ROBO1: variants seen among roughly 807,000 people sequenced by gnomAD.
ROBO1 encodes roundabout guidance receptor 1, also known as roundabout homolog 1.
In ROBO1, 149 loss-of-function variants were observed where a neutral mutation model predicts 195.9. That is an observed-to-expected ratio of 0.76 (90% CI 0.67 to 0.87). ROBO1 has a LOEUF of 0.87. Ranked by LOEUF, ROBO1 falls within the 40% of genes least tolerant of loss-of-function variation. ROBO1 has a pLI of 0.00. For synonymous variants in ROBO1, 816 were observed against 733.2 expected, an observed-to-expected ratio of 1.11 and a Z score of -1.82; for missense variants, 1,933 against 2,068.3, an observed-to-expected ratio of 0.93 and a Z score of 1.27.
intron 1 of ROBO1, among the ~76,000 whole-genome samples, chr3:79,761,690 C>T (rs528978704): frequency 6.6e-6 from 1 of 152,342 alleles, no homozygotes; most frequent in South Asian, 2.1e-4. Flanking sequence ...TCTTGTACTT[C>T]AGTAAGAGTG....
rs1316141525 is a variant in ROBO1, at chr3:78,809,986, G to GT, written c.500-63087dup. ...CATGTATCCCAGAACTTAAAGTATAGTAAAAAAAAAAAAAAAAATCCTGAT... is the reference window on the plus strand; with the variant it reads ...CATGTATCCCAGAACTTAAAGTATAGTTAAAAAAAAAAAAAAAAATCCTGAT... On this transcript the variant is annotated intron_variant, in intron 4 of 30. Transcript: ENST00000464233. Among the ~76,000 whole-genome samples, 6 of 112,972 alleles carry GT rather than the reference G, an allele frequency of 5.3e-5. No homozygotes were observed. The South Asian group carries it at 8.2e-4, about 15-fold the overall frequency. 74.1% of individuals were successfully genotyped at this position (112,972 alleles called of 152,430 possible).
chr3:79,378,875 C>A (rs1207849378), intron 2 of ROBO1, among the ~76,000 whole-genome samples: 1 of 152,154 alleles, frequency 6.6e-6, no homozygotes, highest in Non-Finnish European at 1.5e-5. Flanking sequence ...AGTTTCAGCT[C>A]CGCCTCTTCC....
At chr3:79,231,983 A>G (rs1175405972) in intron 2 of ROBO1, among the ~76,000 whole-genome samples, 2 of 152,220 alleles carry the variant, frequency 1.3e-5, no homozygotes, top group African/African-American at 4.8e-5. Flanking sequence ...CAAATTCTGC[A>G]TATTCTCACT....
chr3:79,647,030 G>GT (rs1206168461), intron 1 of ROBO1, among the ~76,000 whole-genome samples: 1 of 151,958 alleles, frequency 6.6e-6, no homozygotes, highest in Non-Finnish European at 1.5e-5. Context: ...ATCATCTAGT[G>GT]TAAGTTTCAA....
chr3:78,914,362 G>A (rs1038028533), intron 4 of ROBO1, among the ~76,000 whole-genome samples: 1 of 152,012 alleles, frequency 6.6e-6, no homozygotes, highest in African/African-American at 2.4e-5. Flanking sequence ...AAATTCAAAG[G>A]TTAACAATTA....
chr3:79,686,325 C>G (rs1407843225), intron 1 of ROBO1, among the ~76,000 whole-genome samples: 2 of 152,144 alleles, frequency 1.3e-5, no homozygotes, highest in African/African-American at 4.8e-5. Context: ...CAGGGATGCC[C>G]TCTCTCACCA....
chr3:79,706,558 T>C (rs544796028), intron 1 of ROBO1, among the ~76,000 whole-genome samples: 8 of 152,198 alleles, frequency 5.3e-5, no homozygotes, highest in Non-Finnish European at 1.2e-4. Context: ...TCTTTTGTTG[T>C]GGGAGGGACC....
chr3:78,646,057 A>G (rs1706262464), intron 21 of ROBO1, 91 bp downstream of exon 21: 3 of 1,149,402 alleles, frequency 2.6e-6, no homozygotes, highest in African/African-American at 3.1e-5. Context: ...TTTAAGTTAG[A>G]CTTTTTAAGC....
At chr3:78,843,098 G>T (rs928084747) in intron 4 of ROBO1, among the ~76,000 whole-genome samples, 5 of 151,998 alleles carry the variant, frequency 3.3e-5, no homozygotes, top group Non-Finnish European at 5.9e-5. Context: ...GCATGTATTT[G>T]TTTTATGTGC....
rs77752579 is a variant in ROBO1, at chr3:78,968,736, T to C, written c.173-29809A>G. On this transcript the variant is annotated intron_variant, in intron 3 of 30. Coordinates refer to ENST00000464233, the MANE Select transcript of ROBO1 (RefSeq NM_002941.4). ...CAATAACAATACAAATAAGAAAGTA[T>C]AAGTTTTTGTATTCTACAAGGTGCA... Among the ~76,000 whole-genome samples the C allele has an allele frequency of 4.7e-3, 722 of 152,306 alleles. 3 individuals are homozygous for C. Among genetic ancestry groups the C allele is most frequent in the African/African-American group, 0.017 (699 of 41,572 alleles).
chr3:79,585,971 A>G (rs1943815326), intron 2 of ROBO1, among the ~76,000 whole-genome samples: 2 of 130,090 alleles, frequency 1.5e-5, no homozygotes, highest in African/African-American at 3.0e-5. Flanking sequence ...CAAATATTGG[A>G]AAAAAAATAC....
At chr3:78,767,332 T>C (rs2083256555) in intron 4 of ROBO1, among the ~76,000 whole-genome samples, 1 of 151,968 alleles carries the variant, frequency 6.6e-6, no homozygotes, top group Non-Finnish European at 1.5e-5. Flanking sequence ...GTGGCATGAT[T>C]TTGGCTCACT....
intron 2 of ROBO1, among the ~76,000 whole-genome samples, chr3:79,202,785 T>C (rs183825185): frequency 1.3e-5 from 2 of 152,240 alleles, no homozygotes; most frequent in East Asian, 3.9e-4. Context: ...CAGAGTTTCT[T>C]AAACAAAACT....
intron 8 of ROBO1, among the ~76,000 whole-genome samples, chr3:78,695,902 A>T (rs949772711): frequency 1.2e-4 from 18 of 152,082 alleles, no homozygotes; most frequent in Non-Finnish European, 4.4e-5. Flanking sequence ...AATATGGACT[A>T]TGTAAAATCC....
chr3:79,619,570 T>C (rs1203048564), intron 1 of ROBO1, among the ~76,000 whole-genome samples: 2 of 152,138 alleles, frequency 1.3e-5, no homozygotes, highest in African/African-American at 2.4e-5. Flanking sequence ...TACAGTTTTG[T>C]TCCACGACTA....
intron 8 of ROBO1, among the ~76,000 whole-genome samples, chr3:78,694,392 G>A (rs188408861): frequency 6.4e-4 from 98 of 152,254 alleles, no homozygotes; most frequent in African/African-American, 2.1e-3. Context: ...AAAGAATGTT[G>A]TTGTTAAGTG....
chr3:79,245,312 A>G (rs2082603989), intron 2 of ROBO1, among the ~76,000 whole-genome samples: 1 of 152,114 alleles, frequency 6.6e-6, no homozygotes, highest in Non-Finnish European at 1.5e-5. Context: ...ACATCTACAT[A>G]TTCTTTCAAA....
At chr3:79,046,159 T>C (rs2078587723) in intron 3 of ROBO1, among the ~76,000 whole-genome samples, 1 of 152,166 alleles carries the variant, frequency 6.6e-6, no homozygotes, top group Non-Finnish European at 1.5e-5. Flanking sequence ...GTGTTCTCTC[T>C]TGCTCCTTCA....
intron 2 of ROBO1, among the ~76,000 whole-genome samples, chr3:79,450,052 T>C (rs1234546896): frequency 6.6e-6 from 1 of 151,938 alleles, no homozygotes; most frequent in East Asian, 1.9e-4. Flanking sequence ...ACAAACATTT[T>C]GTTTTTCAAG....
Sources: gnomAD v4.1 joint callset for allele counts (sites outside exome capture counted in the v4.1 genomes callset) on GRCh38, gnomAD v4.1.1 for gene constraint, MANE v1.5 for transcripts, NCBI Gene and HGNC (gene_info 2026-07-23, HGNC 2026-07-21) for gene names.